RTL4: variants seen among roughly 807,000 people sequenced by gnomAD.
The protein encoded by RTL4 is retrotransposon Gag like 4.
Under a neutral mutation model 5.3 loss-of-function variants are expected in RTL4, and 4 were observed. The observed-to-expected ratio is 0.75, with a 90% CI of 0.37 to 1.72. The LOEUF (loss-of-function observed/expected upper bound fraction) is 1.72. RTL4 is among the 40% of genes most tolerant of loss of function. The pLI is 0.04. For missense variants in RTL4, 260 were observed against 227.1 expected, an observed-to-expected ratio of 1.14 and a Z score of -0.93; for synonymous variants, 98 against 87.3, an observed-to-expected ratio of 1.12 and a Z score of -0.68.
At chrX:112,147,051 T>A in the RTL4 span, among the ~76,000 whole-genome samples, 1 of 108,199 alleles carries the variant, frequency 9.2e-6, no homozygotes, top group African/African-American at 3.4e-5. Context: ...CTCGCAGATG[T>A]ACAGTCCCTT....
At chrX:112,424,181 A>G in the RTL4 span, among the ~76,000 whole-genome samples, 32 of 112,079 alleles carry the variant, frequency 2.9e-4, no homozygotes, top group African/African-American at 1.0e-3. Flanking sequence ...ATTCAAATAC[A>G]GTTATAACAA....
chrX:112,342,147 C>A, the RTL4 span, among the ~76,000 whole-genome samples: 1 of 111,333 alleles, frequency 9.0e-6, no homozygotes, highest in East Asian at 2.8e-4. Flanking sequence ...TTGGCAGACA[C>A]CTACTCTGGT....
At chrX:112,287,306 C>A in the RTL4 span, among the ~76,000 whole-genome samples, 3 of 111,625 alleles carry the variant, frequency 2.7e-5, no homozygotes, top group African/African-American at 3.3e-5. Flanking sequence ...CCAAAATATT[C>A]GGAAATTCTG....
the RTL4 span, among the ~76,000 whole-genome samples, chrX:112,316,501 G>A: frequency 3.6e-5 from 4 of 111,425 alleles, no homozygotes; most frequent in Non-Finnish European, 7.5e-5. Context: ...TCCTATTTGA[G>A]TGGTGGTTAC....
chrX:112,419,798 T>C, the RTL4 span, among the ~76,000 whole-genome samples: 5 of 106,498 alleles, frequency 4.7e-5, no homozygotes, highest in Admixed American at 4.1e-4. Flanking sequence ...GGTGAAGCTC[T>C]TGGCAATCAG....
chrX:112,352,458 G>C, the RTL4 span, among the ~76,000 whole-genome samples: 1 of 111,442 alleles, frequency 9.0e-6, no homozygotes, highest in Non-Finnish European at 1.9e-5. Flanking sequence ...AACCAAAACA[G>C]GATGGTACTG....
chrX:112,101,200 T>A, the RTL4 span, among the ~76,000 whole-genome samples: 36 of 111,843 alleles, frequency 3.2e-4, no homozygotes, highest in African/African-American at 1.1e-3. Context: ...GTGATCACAA[T>A]TCAATCAGGC....
chrX:112,098,171 CATT>C, the RTL4 span, among the ~76,000 whole-genome samples: 1 of 96,845 alleles, frequency 1.0e-5, no homozygotes, highest in South Asian at 6.2e-4. Flanking sequence ...CATGTGTTCT[CATT>C]GTTCAATTCC....
the RTL4 span, among the ~76,000 whole-genome samples, chrX:112,330,029 T>C: frequency 6.8e-5 from 7 of 102,633 alleles, no homozygotes; most frequent in East Asian, 1.8e-3. Context: ...AAGAGCTATC[T>C]ATGACAAACC....
the RTL4 span, among the ~76,000 whole-genome samples, chrX:112,094,977 G>T: frequency 1.8e-5 from 2 of 111,284 alleles, no homozygotes; most frequent in Admixed American, 9.6e-5. Context: ...GTCAAGAGAG[G>T]TTGGGTTTTC....
the RTL4 span, among the ~76,000 whole-genome samples, chrX:112,422,855 A>G: frequency 9.0e-6 from 1 of 110,787 alleles, no homozygotes; most frequent in African/African-American, 3.3e-5. Context: ...CCTTGGTTAT[A>G]GTTTTCCTCC....
chrX:112,124,848 T>A, the RTL4 span, among the ~76,000 whole-genome samples: 1 of 111,763 alleles, frequency 8.9e-6, no homozygotes, highest in Non-Finnish European at 1.9e-5. Context: ...CTGTCAATTA[T>A]CTGCCCTTGA....
the RTL4 span, among the ~76,000 whole-genome samples, chrX:112,379,072 T>G: frequency 8.9e-6 from 1 of 112,604 alleles, no homozygotes; most frequent in Non-Finnish European, 1.9e-5. Context: ...CCACATGTAT[T>G]GCATAGACTA....
At chrX:112,161,844 C>CTTTCTTTCTTT in the RTL4 span, among the ~76,000 whole-genome samples, 459 of 39,997 alleles carry the variant, frequency 0.011, 8 homozygotes, top group East Asian at 0.035. Flanking sequence ...TTCCTTCCTT[C>CTTTCTTTCTTT]CTTTCTTTCT....
chrX:112,099,029 C>G, the RTL4 span, among the ~76,000 whole-genome samples: 3 of 112,047 alleles, frequency 2.7e-5, no homozygotes, highest in Non-Finnish European at 5.6e-5. Context: ...CCAAAATTGA[C>G]AAATGGGATC....
the RTL4 span, among the ~76,000 whole-genome samples, chrX:112,155,921 T>C: frequency 8.9e-6 from 1 of 111,812 alleles, no homozygotes; most frequent in African/African-American, 3.3e-5. Context: ...GGTTTAACTT[T>C]AGACTTCAAG....
At chrX:112,415,016 T>C in the RTL4 span, among the ~76,000 whole-genome samples, 1 of 111,576 alleles carries the variant, frequency 9.0e-6, no homozygotes, top group African/African-American at 3.2e-5. Flanking sequence ...TATTTTCCCT[T>C]AGGTCATAGT....
At chrX:112,338,162 A>T in the RTL4 span, among the ~76,000 whole-genome samples, 1 of 111,796 alleles carries the variant, frequency 8.9e-6, no homozygotes, top group Admixed American at 9.5e-5. Flanking sequence ...CAGGGAAGAG[A>T]TGAAATCCTA....
chrX:112,436,042 C>T, the RTL4 span, among the ~76,000 whole-genome samples: 1 of 111,171 alleles, frequency 9.0e-6, no homozygotes, highest in Non-Finnish European at 1.9e-5. Context: ...CATGGTGAAA[C>T]CCCCTCTCTA....
Sources: allele counts gnomAD v4.1 joint callset (sites outside exome capture counted in the v4.1 genomes callset), GRCh38; gene constraint gnomAD v4.1.1; transcripts MANE v1.5; gene names NCBI Gene and HGNC (gene_info 2026-07-23, HGNC 2026-07-21).